CCPG1: variants seen among roughly 807,000 people sequenced by gnomAD.
CCPG1 encodes cell cycle progression protein 1.
In CCPG1, 46 loss-of-function variants were observed where a neutral mutation model predicts 81.3. The observed-to-expected ratio is 0.57, with a 90% CI of 0.45 to 0.72. CCPG1 has a LOEUF of 0.72. CCPG1 is among the 30% of genes least tolerant of loss of function. The pLI is 0.00. For missense variants in CCPG1, 902 were observed against 937.6 expected (o/e 0.96, Z 0.50); for synonymous variants, 330 against 305.2 (o/e 1.08, Z -0.85).
chr15:55,358,287 T>C (rs902569397), intron 8 of CCPG1: 1 of 739,520 alleles, frequency 1.4e-6, no homozygotes, highest in East Asian at 1.3e-4. Context: ...ATAGTATATA[T>C]AGAATTATGT....
chr15:55,382,603 A>C (rs959176749), intron 3 of CCPG1, among the ~76,000 whole-genome samples: 1 of 149,464 alleles, frequency 6.7e-6, no homozygotes, highest in African/African-American at 2.5e-5. Context: ...TCCGCCTCCC[A>C]GGTTCACGCC....
intron 3 of CCPG1, among the ~76,000 whole-genome samples, chr15:55,383,747 C>A (rs58447274): frequency 0.18 from 27,113 of 152,164 alleles, 4,194 homozygotes; most frequent in African/African-American, 0.42. Flanking sequence ...AGCTAGCTTC[C>A]GCCTTTCTTT....
intron 1 of CCPG1, among the ~76,000 whole-genome samples, chr15:55,407,594 C>T (rs1392432866): frequency 1.3e-5 from 2 of 152,250 alleles, no homozygotes; most frequent in Non-Finnish European, 1.5e-5. Context: ...ACATAAACAA[C>T]GCGTACAAGG....
At chr15:55,389,952 T>C (rs2056881334) in intron 1 of CCPG1, among the ~76,000 whole-genome samples, 1 of 152,152 alleles carries the variant, frequency 6.6e-6, no homozygotes, top group Non-Finnish European at 1.5e-5. Flanking sequence ...TGAGACGGAG[T>C]CTCGAGCTGT....
intron 1 of CCPG1, among the ~76,000 whole-genome samples, chr15:55,401,392 C>T (rs1048122122): frequency 2.0e-5 from 3 of 152,120 alleles, no homozygotes; most frequent in Admixed American, 1.3e-4. Flanking sequence ...TACTGCTGGG[C>T]GCAGTGGCTC....
intron 1 of CCPG1, among the ~76,000 whole-genome samples, chr15:55,407,233 A>AAG (rs1161994469): frequency 2.0e-5 from 3 of 151,656 alleles, no homozygotes; most frequent in Admixed American, 1.3e-4. Context: ...TCTCTCAAAA[A>AAG]AAAAAAAAAT....
chr15:55,359,913 T>G lies in CCPG1; in HGVS notation c.1860A>C (p.Glu620Asp). The stretch of plus-strand genomic sequence containing the variant: ...AAGCCTTTCTGAAAGAATGAGAATT[T>G]TCTCTACAATCATGCCCAGGACTGC... ...KKCSPGHDCR[E>D]NSHSFRKACS... is the part of the protein sequence containing the mutation. The change falls in exon 8 of 9, where the codon GAA (glutamate) becomes GAC (aspartate). Residue 620 changes from glutamate (E) to aspartate (D), a missense_variant. This residue lies in a region of CCPG1 where 746 missense variants were observed against 728.6 expected (regional missense o/e 1.02). Transcript: ENST00000442196. 1 of 1,613,786 alleles carries G rather than the reference T, an allele frequency of 6.2e-7. No individual in the cohort carries two copies. The highest frequency in any genetic ancestry group is 8.5e-7 in the Non-Finnish European group (1 of 1,179,984).
rs181097802 is a variant in CCPG1 at position 55,390,646 on chromosome 15, G to A, written c.-9-1213C>T. On this transcript the variant is annotated intron_variant, in intron 1 of 8. Transcript: ENST00000442196. Reference sequence around the variant, plus strand: ...TTTTTGGTATTTTTAGTAGAGACGAGGTTTCACTCGTTGCGAATGTTGGCC... The same window carrying A: ...TTTTTGGTATTTTTAGTAGAGACGAAGTTTCACTCGTTGCGAATGTTGGCC... Among the ~76,000 whole-genome samples, 12 of 152,010 alleles carry A rather than the reference G, an allele frequency of 7.9e-5. No individual in the cohort carries two copies. The East Asian group carries it at 2.1e-3, about 27-fold the overall frequency.
intron 6 of CCPG1, among the ~76,000 whole-genome samples, chr15:55,370,875 C>CA (rs1202985818): frequency 2.6e-5 from 2 of 77,656 alleles, no homozygotes; most frequent in African/African-American, 5.1e-5. Flanking sequence ...GACTCCGTCT[C>CA]AAAAAAAAAG....
intron 1 of CCPG1, among the ~76,000 whole-genome samples, chr15:55,397,238 A>C (rs79133502): frequency 1.6e-4 from 25 of 151,656 alleles, no homozygotes; most frequent in African/African-American, 4.8e-4. Context: ...AAAAAAAAAA[A>C]CCCACAAGAT....
Position 55,360,471 on chromosome 15 carries a change from C to G in CCPG1, c.1302G>C (p.Leu434=). 1 of 1,614,116 alleles carries G rather than the reference C, an allele frequency of 6.2e-7. No individual in the cohort carries two copies. Among genetic ancestry groups the G allele is most frequent in the Non-Finnish European group, 8.5e-7 (1 of 1,180,032 alleles). Residue 434 remains leucine (L), a synonymous_variant, in exon 8 of 9, where the codon CTG becomes CTC. Transcript: ENST00000442196. ...IAILRERLTE[L]ERKLTFEQQR... Reference sequence around the variant, plus strand: ...GCTGTTCGAAGGTTAGCTTCCGTTCCAGCTCAGTGAGTCTTTCCCGTAAGA... The same window carrying G: ...GCTGTTCGAAGGTTAGCTTCCGTTCGAGCTCAGTGAGTCTTTCCCGTAAGA...
chr15:55,385,746 G>T, intron 2 of CCPG1, 32 bp from the exon 3 acceptor site: 3 of 1,171,524 alleles, frequency 2.6e-6, no homozygotes, highest in Non-Finnish European at 3.8e-6. Flanking sequence ...TCAGTTATTT[G>T]CCTATTAGCT....
chr15:55,390,055 C>G (rs1432975356), intron 1 of CCPG1, among the ~76,000 whole-genome samples: 1 of 152,190 alleles, frequency 6.6e-6, no homozygotes, highest in African/African-American at 2.4e-5. Flanking sequence ...TCCCGAGTAG[C>G]TGGGACTACA....
intron 1 of CCPG1, among the ~76,000 whole-genome samples, chr15:55,396,582 G>C (rs2057020934): frequency 6.6e-6 from 1 of 152,162 alleles, no homozygotes; most frequent in Admixed American, 6.5e-5. Context: ...GCCATTACAA[G>C]CAAGAGTCAC....
At position 55,356,387 on chromosome 15, in the gene CCPG1, T is replaced by C. The variant is rs1566963682; in HGVS notation, c.2257A>G (p.Met753Val). The change falls in exon 9 of 9, where the codon ATG becomes GTG. Residue 753 changes from methionine to valine, a missense_variant. Met to Val is a conservative substitution (Grantham distance 21, BLOSUM62 1). This residue lies in a region of CCPG1 where 128 missense variants were observed against 161.2 expected (regional missense o/e 0.79). Transcript: ENST00000442196. ...TGCCTGGAGTTTTCAATATTTACCA[T>C]ACGTTGCTTTTTATCAGGTCGACTG... ...GPSRPDKKQR[M>V]VNIENSRHRK... 2.6e-6 allele frequency: 4 copies of C among 1,532,286 alleles called. No individual in the cohort carries two copies. Among genetic ancestry groups the C allele is most frequent in the Middle Eastern group, 3.3e-4 (2 of 5,986 alleles). The allele number at this position is 1,532,286 out of a possible 1,614,324, so 94.9% of individuals were successfully genotyped here.
intron 1 of CCPG1, among the ~76,000 whole-genome samples, chr15:55,398,016 G>C (rs954596175): frequency 2.6e-5 from 4 of 151,924 alleles, no homozygotes; most frequent in Non-Finnish European, 5.9e-5. Context: ...CAGCAAATTG[G>C]TTTGGGGCAT....
At chr15:55,363,570 C>T (rs1013722006) in intron 7 of CCPG1, among the ~76,000 whole-genome samples, 9 of 150,408 alleles carry the variant, frequency 6.0e-5, no homozygotes, top group Non-Finnish European at 1.3e-4. Flanking sequence ...ACAGCCATAA[C>T]ACCCTAAATG....
intron 1 of CCPG1, among the ~76,000 whole-genome samples, chr15:55,405,779 T>C (rs947443466): frequency 6.6e-6 from 1 of 152,234 alleles, no homozygotes; most frequent in Non-Finnish European, 1.5e-5. Flanking sequence ...TTTCATTTAT[T>C]GTCCCTACTC....
At chr15:55,361,529 A>T (rs983172956) in intron 7 of CCPG1, among the ~76,000 whole-genome samples, 4 of 151,536 alleles carry the variant, frequency 2.6e-5, no homozygotes, top group African/African-American at 7.3e-5. Context: ...TACGTGGTGA[A>T]ACCCCATCTC....
Sources: allele counts gnomAD v4.1 joint callset (sites outside exome capture counted in the v4.1 genomes callset), GRCh38; gene constraint gnomAD v4.1.1; regional missense constraint gnomAD v4.1.1; transcripts MANE v1.5; gene names NCBI Gene and HGNC (gene_info 2026-07-23, HGNC 2026-07-21).